Variants in MMS22L observed in about 807,000 individuals in gnomAD.
MMS22L encodes protein MMS22-like.
In MMS22L, 74 loss-of-function variants were observed where a neutral mutation model predicts 159.1. That is an observed-to-expected ratio of 0.47 (90% CI 0.39 to 0.56). The LOEUF (loss-of-function observed/expected upper bound fraction) is 0.56. Ranked by LOEUF, MMS22L falls within the 20% of genes least tolerant of loss-of-function variation. The pLI is 0.00. For synonymous variants in MMS22L, 517 were observed against 506.9 expected, an observed-to-expected ratio of 1.02 and a Z score of -0.27; for missense variants, 1,351 against 1,422.1, an observed-to-expected ratio of 0.95 and a Z score of 0.80.
chr6:97,156,887 C>T (rs1364207822), intron 22 of MMS22L, among the ~76,000 whole-genome samples: 3 of 152,072 alleles, frequency 2.0e-5, no homozygotes, highest in East Asian at 3.9e-4. Flanking sequence ...ATGGGAATAG[C>T]ATTGAATCTA....
chr6:97,269,849 A>G, intron 7 of MMS22L, 53 bp downstream of exon 7: 1 of 1,297,312 alleles, frequency 7.7e-7, no homozygotes, highest in South Asian at 1.4e-5. Flanking sequence ...AATTTTAAAA[A>G]GCAATAAAAG....
chr6:97,209,547 TCTC>T (rs1420687888), intron 14 of MMS22L, among the ~76,000 whole-genome samples: 1 of 151,752 alleles, frequency 6.6e-6, no homozygotes, highest in Non-Finnish European at 1.5e-5. Context: ...TCTTCAAATC[TCTC>T]CTCAACCCAA....
chr6:97,230,030 A>G (rs528901258), intron 13 of MMS22L, among the ~76,000 whole-genome samples: 26 of 152,314 alleles, frequency 1.7e-4, no homozygotes, highest in Middle Eastern at 3.4e-3. Context: ...TCTTTCATCA[A>G]TTAAGGGGTT....
intron 14 of MMS22L, among the ~76,000 whole-genome samples, chr6:97,212,065 C>T (rs1385830512): frequency 6.6e-6 from 1 of 152,152 alleles, no homozygotes; most frequent in Non-Finnish European, 1.5e-5. Context: ...TAAGAAAAGT[C>T]TCCAACATCT....
intron 6 of MMS22L, chr6:97,271,379 G>C (rs1815720458): frequency 1.3e-5 from 2 of 152,028 alleles, no homozygotes; most frequent in Admixed American, 1.3e-4. Flanking sequence ...TTTTATTTCT[G>C]CTGCTATATA....
At chr6:97,232,971 T>TG (rs1285274252) in intron 12 of MMS22L, among the ~76,000 whole-genome samples, 2 of 152,052 alleles carry the variant, frequency 1.3e-5, no homozygotes, top group Non-Finnish European at 2.9e-5. Flanking sequence ...CTAAATATAT[T>TG]GTTCCTATTT....
intron 3 of MMS22L, 42 bp downstream of exon 3, chr6:97,281,195 G>A (rs375095712): frequency 2.6e-6 from 4 of 1,560,586 alleles, no homozygotes; most frequent in East Asian, 4.5e-5. Context: ...TTACAAAAGT[G>A]AACAACACCT....
chr6:97,249,725 ATTTT>A (rs66525517), intron 10 of MMS22L, among the ~76,000 whole-genome samples: 3 of 130,386 alleles, frequency 2.3e-5, no homozygotes, highest in Non-Finnish European at 1.6e-5. Context: ...CCAATAACCA[ATTTT>A]TTTTTTTTTT....
chr6:97,149,981 C>T lies in MMS22L; in HGVS notation c.3522G>A (p.Gln1174=), dbSNP rs765594362. ...IQDYGMRYYY[Q]VYSILETVAT... The stretch of plus-strand genomic sequence containing the variant: ...CTACTGTTTCTAAAATGCTGTAAAC[C>T]TGGTAATAGTACCTCATACCATAAT... The change falls in exon 24 of 25, where the codon CAG becomes CAA. Residue 1174 remains glutamine, a synonymous_variant. Transcript: ENST00000683635. 1.2e-6 allele frequency: 2 copies of T among 1,613,578 alleles called. No individual in the cohort carries two copies. The highest frequency in any genetic ancestry group is 2.2e-5 in the East Asian group (1 of 44,850).
Position 97,149,819 on chromosome 6 carries a change from GC to G in MMS22L, c.3650+33del, listed in dbSNP as rs374480118. 3.2e-5 allele frequency: 48 copies of G among 1,506,114 alleles called. No homozygotes were observed. The Middle Eastern group carries it at 7.1e-4, about 22-fold the overall frequency. The allele number at this position is 1,506,114 out of a possible 1,614,324, so 93.3% of individuals were successfully genotyped here. On this transcript the variant is annotated intron_variant, in intron 24 of 24. Coordinates refer to ENST00000683635, the MANE Select transcript of MMS22L (RefSeq NM_001350599.2). ...ATGAAATATAAATTTTATAATCACT[GC>G]CCCCCCCAATGTAATTAAATTATCA... is the stretch of plus-strand genomic sequence containing the variant.
In MMS22L at chr6:97,215,117, T is replaced by A. The variant is rs538838796; in HGVS notation, c.2039+13777A>T. ...ATATATATATATATATATATATATT[T>A]TTTTTTTGCATTGTTTCACTAGCGG... On this transcript the variant is annotated intron_variant, in intron 14 of 24. Transcript: ENST00000683635. 7.8e-3 allele frequency among the ~76,000 whole-genome samples: 1,128 copies of A among 144,374 alleles called. 9 individuals are homozygous for A. Among genetic ancestry groups the A allele is most frequent in the African/African-American group, 0.024 (903 of 37,556 alleles). The allele number at this position is 144,374 out of a possible 152,430, so 94.7% of individuals were successfully genotyped here. A position where few individuals can be genotyped will look rare whatever the true frequency, so the allele number is the denominator to read the frequency against.
chr6:97,234,159 C>T (rs555067377), intron 11 of MMS22L, among the ~76,000 whole-genome samples, 179 bp from the exon 12 acceptor site: 35 of 152,240 alleles, frequency 2.3e-4, no homozygotes, highest in Non-Finnish European at 4.4e-4. Flanking sequence ...CTTCCAAAAA[C>T]ATGTTTTAAA....
intron 8 of MMS22L, chr6:97,267,112 A>G (rs6568836): frequency 1.3e-5 from 2 of 152,172 alleles, no homozygotes; most frequent in Admixed American, 1.3e-4. Flanking sequence ...TTGTCAATTA[A>G]CAAAAATAAA....
At chr6:97,268,648 A>G (rs796405041) in intron 7 of MMS22L, among the ~76,000 whole-genome samples, 1 of 150,358 alleles carries the variant, frequency 6.7e-6, no homozygotes, top group Non-Finnish European at 1.5e-5. Flanking sequence ...TTAAAACATT[A>G]TTTTTTTAAC....
Position 97,221,066 on chromosome 6 carries a change from A to T in MMS22L, c.2039+7828T>A, listed in dbSNP as rs150052023. On this transcript the variant is annotated intron_variant, in intron 14 of 24. Coordinates refer to ENST00000683635, the MANE Select transcript of MMS22L (RefSeq NM_001350599.2). ...AATGATTATGAGTTCTTTTGAAAACAATACTTATGATGATAGCATTATCTA... is the reference window on the plus strand; with the variant it reads ...AATGATTATGAGTTCTTTTGAAAACTATACTTATGATGATAGCATTATCTA... Among the ~76,000 whole-genome samples, 110 of 152,150 alleles carry T rather than the reference A, an allele frequency of 7.2e-4. No individual in the cohort carries two copies. In the East Asian group the frequency reaches 0.018, roughly 25 times the overall value.
intron 18 of MMS22L, among the ~76,000 whole-genome samples, chr6:97,175,648 C>T (rs1003364281): frequency 6.6e-6 from 1 of 152,046 alleles, no homozygotes; most frequent in Non-Finnish European, 1.5e-5. Context: ...AATGTTGACA[C>T]ACTTCATTAT....
In MMS22L at chr6:97,229,084, T is replaced by G. The variant is rs756599259; in HGVS notation, c.1849A>C (p.Arg617=). The G allele has an allele frequency of 6.2e-7, 1 of 1,614,162 alleles. No individual in the cohort carries two copies. Among genetic ancestry groups the G allele is most frequent in the South Asian group, 1.1e-5 (1 of 91,082 alleles). ...LVSKNEEMVQ[R]QTIWTLLSIY... ...GAAAGAAGGGTCCAGATAGTCTGTC[T>G]CTGTACCATTTCCTCATTCTTAGAC... The change falls in exon 14 of 25, where the codon AGA becomes CGA. Residue 617 remains arginine (R), a synonymous_variant. Coordinates refer to ENST00000683635, the MANE Select transcript of MMS22L (RefSeq NM_001350599.2).
chr6:97,239,016 T>G (rs530817111), intron 11 of MMS22L, among the ~76,000 whole-genome samples: 9 of 150,398 alleles, frequency 6.0e-5, no homozygotes, highest in African/African-American at 2.2e-4. Context: ...CTAGCCTACC[T>G]ATCAGAAACC....
chr6:97,204,638 C>T (rs1041804749), intron 14 of MMS22L, among the ~76,000 whole-genome samples: 8 of 151,334 alleles, frequency 5.3e-5, no homozygotes, highest in African/African-American at 1.5e-4. Flanking sequence ...AAATATTAGG[C>T]GGGGGTAGGG....
Sources: gnomAD v4.1 joint callset for allele counts (sites outside exome capture counted in the v4.1 genomes callset) on GRCh38, gnomAD v4.1.1 for gene constraint, MANE v1.5 for transcripts, NCBI Gene and HGNC (gene_info 2026-07-23, HGNC 2026-07-21) for gene names.